DOCK10: variants seen among roughly 807,000 people sequenced by gnomAD.
DOCK10 encodes dedicator of cytokinesis 10.
A neutral mutation model predicts 280.1 loss-of-function variants in DOCK10; 145 were observed. The ratio of observed to expected loss-of-function variants is 0.52; its 90% CI spans 0.45 to 0.59. DOCK10 has a LOEUF of 0.59. Ranked by LOEUF, DOCK10 falls within the 20% of genes least tolerant of loss-of-function variation. The pLI is 0.00. For synonymous variants in DOCK10, 915 were observed against 942.2 expected, an observed-to-expected ratio of 0.97 and a Z score of 0.53; for missense variants, 2,368 against 2,651.7, an observed-to-expected ratio of 0.89 and a Z score of 2.35.
At chr2:224,943,549 T>C (rs75471915) in intron 1 of DOCK10, among the ~76,000 whole-genome samples, 8,200 of 152,224 alleles carry the variant, frequency 0.054, 272 homozygotes, top group Non-Finnish European at 0.068. Context: ...ATATGATAAG[T>C]ATCTGCAACG....
At chr2:224,824,281 T>G (rs1385585072) in intron 27 of DOCK10, among the ~76,000 whole-genome samples, 1 of 152,092 alleles carries the variant, frequency 6.6e-6, no homozygotes, top group African/African-American at 2.4e-5. Context: ...AAAGAAGGGC[T>G]TGGCTGTGAG....
At chr2:224,900,828 A>C (rs1400201800) in intron 3 of DOCK10, among the ~76,000 whole-genome samples, 1 of 152,236 alleles carries the variant, frequency 6.6e-6, no homozygotes. Flanking sequence ...TCACATTCAC[A>C]ACAGTTAATA....
chr2:224,782,494 A>G (rs1016831634), intron 50 of DOCK10, among the ~76,000 whole-genome samples: 31 of 152,220 alleles, frequency 2.0e-4, no homozygotes, highest in Non-Finnish European at 3.1e-4. Flanking sequence ...TACTATGGAA[A>G]TCAATACCTC....
chr2:224,966,202 G>T (rs763893908), intron 1 of DOCK10, among the ~76,000 whole-genome samples: 2 of 152,046 alleles, frequency 1.3e-5, no homozygotes, highest in Non-Finnish European at 2.9e-5. Flanking sequence ...CCTCCAATTT[G>T]ATTTGAAAGA....
At chr2:224,915,058 C>T (rs1553641) in intron 3 of DOCK10, among the ~76,000 whole-genome samples, 2 of 151,926 alleles carry the variant, frequency 1.3e-5, no homozygotes, top group African/African-American at 4.8e-5. Flanking sequence ...ATAAATTTTA[C>T]AACAAAGTTA....
At chr2:224,966,965 G>A (rs1455190467) in intron 1 of DOCK10, among the ~76,000 whole-genome samples, 1 of 151,788 alleles carries the variant, frequency 6.6e-6, no homozygotes, top group Non-Finnish European at 1.5e-5. Flanking sequence ...ACACATGTTT[G>A]CAAACCCCTT....
intron 27 of DOCK10, among the ~76,000 whole-genome samples, chr2:224,826,000 TC>T (rs1489007723): frequency 6.6e-6 from 1 of 152,202 alleles, no homozygotes; most frequent in Non-Finnish European, 1.5e-5. Context: ...GGTTCAATGA[TC>T]CTTTTGCTAC....
At chr2:224,904,114 C>T (rs1201932001) in intron 3 of DOCK10, among the ~76,000 whole-genome samples, 1 of 152,070 alleles carries the variant, frequency 6.6e-6, no homozygotes, top group Admixed American at 6.6e-5. Context: ...AATATAGTCA[C>T]CACATATGAA....
chr2:224,835,649 A>G (rs950838744), intron 25 of DOCK10, among the ~76,000 whole-genome samples: 2 of 152,220 alleles, frequency 1.3e-5, no homozygotes, highest in African/African-American at 4.8e-5. Flanking sequence ...GTCACAGGAG[A>G]AAACTGAGGT....
chr2:225,016,011 A>G (rs949134479), intron 1 of DOCK10, among the ~76,000 whole-genome samples: 8 of 152,184 alleles, frequency 5.3e-5, no homozygotes, highest in African/African-American at 1.9e-4. Flanking sequence ...CCCATCACAG[A>G]GTTTTTGCTA....
chr2:225,027,987 A>C (rs778345173), intron 1 of DOCK10, among the ~76,000 whole-genome samples: 18 of 152,242 alleles, frequency 1.2e-4, no homozygotes, highest in Admixed American at 3.9e-4. Flanking sequence ...ATCAGAAAGC[A>C]GTGCCTCGGG....
At chr2:224,957,382 T>C (rs1704113677) in intron 1 of DOCK10, among the ~76,000 whole-genome samples, 1 of 149,480 alleles carries the variant, frequency 6.7e-6, no homozygotes, top group African/African-American at 2.4e-5. Context: ...CCTTGAACTC[T>C]TGGGCTCAAA....
At chr2:224,958,652 C>T (rs1704191182) in intron 1 of DOCK10, among the ~76,000 whole-genome samples, 1 of 151,786 alleles carries the variant, frequency 6.6e-6, no homozygotes, top group African/African-American at 2.4e-5. Flanking sequence ...TTAAGAAAGC[C>T]AAGTTTTAAC....
chr2:224,974,479 C>T (rs1705287753), intron 1 of DOCK10, among the ~76,000 whole-genome samples: 1 of 151,982 alleles, frequency 6.6e-6, no homozygotes, highest in East Asian at 1.9e-4. Context: ...CCAAAAGACA[C>T]ATTATATCCT....
chr2:224,873,454 G>A (rs1452670899), intron 11 of DOCK10, among the ~76,000 whole-genome samples: 3 of 151,980 alleles, frequency 2.0e-5, no homozygotes, highest in East Asian at 1.9e-4. Flanking sequence ...ATGGTGGTGC[G>A]TGCCTGTAGT....
At chr2:225,023,390 T>G (rs947988356) in intron 1 of DOCK10, among the ~76,000 whole-genome samples, 4 of 152,138 alleles carry the variant, frequency 2.6e-5, no homozygotes, top group African/African-American at 7.2e-5. Context: ...GCAATATGAA[T>G]GCAAATCTCC....
chr2:224,953,193 T>C (rs1324922438), intron 1 of DOCK10, among the ~76,000 whole-genome samples: 3 of 152,258 alleles, frequency 2.0e-5, no homozygotes, highest in Non-Finnish European at 4.4e-5. Flanking sequence ...ATTACTTCCT[T>C]ATTACATTTT....
At chr2:224,986,409 T>C (rs545910185) in intron 1 of DOCK10, among the ~76,000 whole-genome samples, 1 of 152,292 alleles carries the variant, frequency 6.6e-6, no homozygotes, top group Admixed American at 6.5e-5. Flanking sequence ...AACTTATTTA[T>C]AAAGATAAAT....
At position 225,042,301 on chromosome 2, in the gene DOCK10, C is replaced by A; in HGVS notation, c.74G>T (p.Ser25Ile). 2 of 1,353,098 alleles carry A rather than the reference C, an allele frequency of 1.5e-6. No homozygotes were observed. Among genetic ancestry groups the A allele is most frequent in the Non-Finnish European group, 9.5e-7 (1 of 1,049,272 alleles). 83.8% of individuals were successfully genotyped at this position (1,353,098 alleles called of 1,614,324 possible). ...TGCCACCGCGGCGGCGGACGCGGCGCTGTGCCGGAGCTCGGCCGCCTGCCC... is the reference window on the plus strand; with the variant it reads ...TGCCACCGCGGCGGCGGACGCGGCGATGTGCCGGAGCTCGGCCGCCTGCCC... Reference protein sequence around the residue: ...RPGQAAELRHSAASAAAVAVS... With the variant: ...RPGQAAELRHIAASAAAVAVS... Residue 25 changes from serine (S) to isoleucine (I), a missense_variant, in exon 1 of 56, where the codon AGC becomes ATC. This residue lies in a region of DOCK10 where 1,209 missense variants were observed against 1,250.9 expected (regional missense o/e 0.97). Coordinates refer to ENST00000258390, the MANE Select transcript of DOCK10 (RefSeq NM_014689.3). This position sits in a 1 kb window ranked among gnomAD's most constrained non-coding sequence, Gnocchi z 5.1.
Sources: allele counts gnomAD v4.1 joint callset (sites outside exome capture counted in the v4.1 genomes callset), GRCh38; gene constraint gnomAD v4.1.1; regional missense constraint gnomAD v4.1.1; non-coding constraint Gnocchi (gnomAD v3.1); transcripts MANE v1.5; gene names NCBI Gene and HGNC (gene_info 2026-07-23, HGNC 2026-07-21).